DSCAM: variants seen among roughly 807,000 people sequenced by gnomAD.
The protein encoded by DSCAM is cell adhesion molecule DSCAM.
DSCAM carries 47 observed loss-of-function variants against 217.7 expected under a neutral mutation model. That is an observed-to-expected ratio of 0.22 (90% CI 0.17 to 0.28). DSCAM has a LOEUF of 0.28. Among genes scored for constraint, DSCAM ranks in the 10% least tolerant of loss-of-function variants. The probability of loss-of-function intolerance (pLI) is 1.00; values close to 1 mark genes in which losing one functional copy is unlikely to be tolerated. For synonymous variants in DSCAM, 1,056 were observed against 1,015.3 expected (o/e 1.04, Z -0.76); for missense variants, 2,080 against 2,618.3 (o/e 0.79, Z 4.49).
chr21:40,665,863 G>A (rs2090193616), intron 3 of DSCAM, among the ~76,000 whole-genome samples: 1 of 152,206 alleles, frequency 6.6e-6, no homozygotes, highest in Non-Finnish European at 1.5e-5. Flanking sequence ...ATGACCTCGG[G>A]TGTGAAGATT....
At chr21:40,028,569 C>T (rs954226319) in intron 32 of DSCAM, among the ~76,000 whole-genome samples, 4 of 152,214 alleles carry the variant, frequency 2.6e-5, no homozygotes, top group African/African-American at 4.8e-5. Context: ...TGTTTTAAGC[C>T]CGTCAGAAAA....
intron 3 of DSCAM, among the ~76,000 whole-genome samples, chr21:40,435,750 T>A (rs1344349425): frequency 6.6e-6 from 1 of 152,248 alleles, no homozygotes; most frequent in Admixed American, 6.5e-5. Context: ...TCTATGCCTA[T>A]CCCTTTACCT....
rs77735784 is a variant in DSCAM, at chr21:40,750,932, G to A, written c.44-42161C>T. 2.0e-3 allele frequency among the ~76,000 whole-genome samples: 310 copies of A among 152,198 alleles called. 2 individuals are homozygous for A. Among genetic ancestry groups the A allele is most frequent in the Non-Finnish European group, 2.8e-3 (188 of 68,004 alleles). On this transcript the variant is annotated intron_variant, in intron 1 of 32. Transcript: ENST00000400454. ...AAAATGACTCCCACCTGGAGCCCTC[G>A]CTCCAGTCCCCATGCCCCTTCAGCT...
chr21:40,248,937 T>C (rs966191357), intron 11 of DSCAM, among the ~76,000 whole-genome samples: 1 of 151,968 alleles, frequency 6.6e-6, no homozygotes, highest in African/African-American at 2.4e-5. Flanking sequence ...AAAATGAAGA[T>C]GAAGTAAAAG....
intron 3 of DSCAM, among the ~76,000 whole-genome samples, chr21:40,491,004 T>G (rs1246650580): frequency 6.6e-6 from 1 of 152,194 alleles, no homozygotes; most frequent in Admixed American, 6.5e-5. Flanking sequence ...CATGAGGAAT[T>G]CAAACATAAA....
intron 3 of DSCAM, among the ~76,000 whole-genome samples, chr21:40,401,784 C>G (rs540242562): frequency 2.7e-5 from 4 of 150,170 alleles, no homozygotes; most frequent in Admixed American, 1.3e-4. Context: ...AAGCCCAGCC[C>G]AAGCCAGGGC....
intron 3 of DSCAM, among the ~76,000 whole-genome samples, chr21:40,683,190 C>A (rs566918696): frequency 6.6e-6 from 1 of 152,120 alleles, no homozygotes; most frequent in Non-Finnish European, 1.5e-5. Context: ...TCCAGAGCTG[C>A]CAAATACAGG....
chr21:40,685,105 G>A (rs2090458810), intron 3 of DSCAM, among the ~76,000 whole-genome samples: 2 of 152,144 alleles, frequency 1.3e-5, no homozygotes, highest in Admixed American at 1.3e-4. Context: ...AGGCAATAAA[G>A]TACATAAAGC....
chr21:40,314,824 C>G (rs1050718581), intron 8 of DSCAM, among the ~76,000 whole-genome samples: 1 of 152,160 alleles, frequency 6.6e-6, no homozygotes, highest in Non-Finnish European at 1.5e-5. Flanking sequence ...AGTTACTTAA[C>G]CCCTCTCAGG....
chr21:40,050,543 C>T lies in DSCAM; in HGVS notation c.5185+1415G>A, dbSNP rs781575846. Among the ~76,000 whole-genome samples the T allele has an allele frequency of 5.3e-5, 8 of 151,620 alleles. No individual in the cohort carries two copies. In the East Asian group the frequency reaches 1.6e-3, roughly 29 times the overall value. On this transcript the variant is annotated intron_variant, in intron 30 of 32. Coordinates refer to ENST00000400454, the MANE Select transcript of DSCAM (RefSeq NM_001389.5). ...TGTCGTCCAGGCTGGAGTGCAGTGG[C>T]GTGATCTCAGCTCACTGCAAGCTCT...
At chr21:40,547,655 G>C (rs1219427685) in intron 3 of DSCAM, among the ~76,000 whole-genome samples, 1 of 152,116 alleles carries the variant, frequency 6.6e-6, no homozygotes, top group Non-Finnish European at 1.5e-5. Flanking sequence ...GACACCGGTG[G>C]AATCAAAAGG....
At chr21:40,670,891 C>G (rs1213975648) in intron 3 of DSCAM, among the ~76,000 whole-genome samples, 2 of 152,158 alleles carry the variant, frequency 1.3e-5, no homozygotes, top group Non-Finnish European at 2.9e-5. Flanking sequence ...AGAACACAAT[C>G]AACTCAAACA....
intron 20 of DSCAM, among the ~76,000 whole-genome samples, chr21:40,116,951 G>T (rs1246580836): frequency 1.6e-5 from 2 of 127,074 alleles, no homozygotes; most frequent in Non-Finnish European, 3.1e-5. Context: ...GCAGTGAGCC[G>T]AGATCGCACC....
chr21:40,098,181 C>T (rs866215681), intron 20 of DSCAM, among the ~76,000 whole-genome samples: 7 of 151,778 alleles, frequency 4.6e-5, no homozygotes, highest in Admixed American at 2.0e-4. Flanking sequence ...AATTTCATAA[C>T]GATAATGGGG....
chr21:40,414,360 A>G (rs1882755), intron 3 of DSCAM, among the ~76,000 whole-genome samples: 117,873 of 152,128 alleles, frequency 0.77, 45,881 homozygotes, highest in African/African-American at 0.84. Context: ...AGATATATGA[A>G]CAGTCAATTA....
intron 3 of DSCAM, among the ~76,000 whole-genome samples, chr21:40,550,756 T>C (rs1401132850): frequency 6.6e-6 from 1 of 152,142 alleles, no homozygotes; most frequent in Non-Finnish European, 1.5e-5. Flanking sequence ...TCCAGAACCA[T>C]AATATGTTCA....
At chr21:40,223,586 T>C (rs1380604441) in intron 11 of DSCAM, among the ~76,000 whole-genome samples, 3 of 152,178 alleles carry the variant, frequency 2.0e-5, no homozygotes, top group Non-Finnish European at 4.4e-5. Context: ...ACATTATAAT[T>C]AGAAACACAC....
At chr21:40,508,600 GC>G (rs2076227632) in intron 3 of DSCAM, among the ~76,000 whole-genome samples, 1 of 150,652 alleles carries the variant, frequency 6.6e-6, no homozygotes, top group Non-Finnish European at 1.5e-5. Context: ...ATAGAGTCTT[GC>G]CCTGTCGACC....
intron 16 of DSCAM, among the ~76,000 whole-genome samples, chr21:40,162,661 T>C (rs987856452): frequency 6.6e-6 from 1 of 152,234 alleles, no homozygotes; most frequent in African/African-American, 2.4e-5. Context: ...TTACTGAAAT[T>C]TAATTAAATC....
Sources: gnomAD v4.1 joint callset for allele counts (sites outside exome capture counted in the v4.1 genomes callset) on GRCh38, gnomAD v4.1.1 for gene constraint, MANE v1.5 for transcripts, NCBI Gene and HGNC (gene_info 2026-07-23, HGNC 2026-07-21) for gene names.